The following INPP4B variants were observed in gnomAD, a reference collection of about 807,000 sequenced individuals.
INPP4B encodes inositol polyphosphate 4-phosphatase type II.
In INPP4B, 55 loss-of-function variants were observed where a neutral mutation model predicts 122.5. The ratio of observed to expected loss-of-function variants is 0.45; its 90% CI spans 0.36 to 0.56. The LOEUF is 0.56. INPP4B is among the 20% of genes least tolerant of loss of function. The probability of loss-of-function intolerance (pLI) is 0.00; values close to 1 mark genes in which losing one functional copy is unlikely to be tolerated. For synonymous variants in INPP4B, 403 were observed against 388.7 expected, an observed-to-expected ratio of 1.04 and a Z score of -0.43; for missense variants, 1,000 against 1,097.7, an observed-to-expected ratio of 0.91 and a Z score of 1.26.
chr4:142,167,285 C>T (rs1231339915), intron 16 of INPP4B, among the ~76,000 whole-genome samples: 1 of 151,706 alleles, frequency 6.6e-6, no homozygotes, highest in Non-Finnish European at 1.5e-5. Context: ...AGCAAACACA[C>T]ACAGAAACAG....
Position 142,118,239 on chromosome 4 carries a change from A to C in INPP4B, c.2135+3889T>G, listed in dbSNP as rs554890407. 4.4e-4 allele frequency among the ~76,000 whole-genome samples: 67 copies of C among 152,310 alleles called. 2 individuals are homozygous for C. In the South Asian group the frequency reaches 0.013, roughly 29 times the overall value. On this transcript the variant is annotated intron_variant, in intron 21 of 25. Transcript: ENST00000262992. Reference sequence around the variant, plus strand: ...CTGCCCAAGGTAATTTATAGATTCAATGCCAACCCCATCAAGCTACCAATG... The same window carrying C: ...CTGCCCAAGGTAATTTATAGATTCACTGCCAACCCCATCAAGCTACCAATG...
intron 7 of INPP4B, among the ~76,000 whole-genome samples, chr4:142,381,570 T>G (rs1399425971): frequency 6.6e-6 from 1 of 152,112 alleles, no homozygotes; most frequent in Admixed American, 6.6e-5. Context: ...CAGTCATAAA[T>G]TACCATATAT....
intron 1 of INPP4B, among the ~76,000 whole-genome samples, chr4:142,730,036 C>T (rs1765857144): frequency 1.3e-5 from 2 of 152,046 alleles, no homozygotes; most frequent in South Asian, 4.2e-4. Flanking sequence ...TTGAAGAGCT[C>T]TTTCTAGTTC....
chr4:142,789,417 G>T (rs1434649956), intron 1 of INPP4B, among the ~76,000 whole-genome samples: 1 of 152,048 alleles, frequency 6.6e-6, no homozygotes, highest in Admixed American at 6.6e-5. Context: ...ACACAAATCA[G>T]TGCTCTTCTA....
intron 10 of INPP4B, among the ~76,000 whole-genome samples, chr4:142,268,547 T>C (rs750930451): frequency 8.6e-5 from 13 of 151,826 alleles, no homozygotes; most frequent in African/African-American, 1.2e-4. Flanking sequence ...CAAAGAGATA[T>C]CTGCACTCAT....
chr4:142,249,635 G>A (rs1390944494), intron 11 of INPP4B, among the ~76,000 whole-genome samples: 2 of 152,174 alleles, frequency 1.3e-5, no homozygotes, highest in Non-Finnish European at 2.9e-5. Flanking sequence ...AACTGTTTAG[G>A]TTAATTTGGT....
intron 8 of INPP4B, among the ~76,000 whole-genome samples, chr4:142,313,752 C>T (rs1367010958): frequency 1.3e-5 from 2 of 152,200 alleles, no homozygotes; most frequent in African/African-American, 2.4e-5. Flanking sequence ...CTCAACTAGT[C>T]CCAAGGAAGA....
At chr4:142,734,857 C>A (rs1284697693) in intron 1 of INPP4B, among the ~76,000 whole-genome samples, 2 of 152,172 alleles carry the variant, frequency 1.3e-5, no homozygotes, top group Non-Finnish European at 2.9e-5. Context: ...GTTGGTCAGA[C>A]AGGCCTCAAA....
In INPP4B at chr4:142,059,153, C is replaced by T. The variant is rs550558923; in HGVS notation, c.2642+22878G>A. Among the ~76,000 whole-genome samples, 9 of 152,216 alleles carry T rather than the reference C, an allele frequency of 5.9e-5. No individual in the cohort carries two copies. The East Asian group carries it at 1.7e-3, about 29-fold the overall frequency. ...TTTAATATTTATTGTCAATACAACCCAGTCATAGGCATCTAGCAAAACATG... is the reference window on the plus strand; with the variant it reads ...TTTAATATTTATTGTCAATACAACCTAGTCATAGGCATCTAGCAAAACATG... On this transcript the variant is annotated intron_variant, in intron 25 of 25. Transcript: ENST00000262992.
chr4:142,841,663 CAT>C (rs1366458283), intron 1 of INPP4B, among the ~76,000 whole-genome samples: 1 of 151,782 alleles, frequency 6.6e-6, no homozygotes, highest in Non-Finnish European at 1.5e-5. Flanking sequence ...TTTTGAGAAA[CAT>C]AAAAATCTCG....
intron 2 of INPP4B, among the ~76,000 whole-genome samples, chr4:142,575,607 C>T (rs552713182): frequency 6.6e-6 from 1 of 152,104 alleles, no homozygotes; most frequent in African/African-American, 2.4e-5. Context: ...TTCACAAAGC[C>T]TTCGTCCGTA....
intron 23 of INPP4B, among the ~76,000 whole-genome samples, chr4:142,092,995 T>C (rs1410823766): frequency 6.6e-6 from 1 of 152,168 alleles, no homozygotes; most frequent in Non-Finnish European, 1.5e-5. Context: ...ACTAATGAAG[T>C]ATGACAGAAG....
At chr4:142,340,412 C>CTCTCTTT (rs112269343) in intron 7 of INPP4B, among the ~76,000 whole-genome samples, 1 of 151,528 alleles carries the variant, frequency 6.6e-6, no homozygotes, top group Non-Finnish European at 1.5e-5. Flanking sequence ...TTTTTTTTCT[C>CTCTCTTT]TTTAAAATTT....
At chr4:142,401,908 G>C (rs571301959) in intron 7 of INPP4B, among the ~76,000 whole-genome samples, 1 of 152,176 alleles carries the variant, frequency 6.6e-6, no homozygotes, top group Non-Finnish European at 1.5e-5. Flanking sequence ...CTGGGGCTAA[G>C]ATGCATAGAA....
intron 1 of INPP4B, among the ~76,000 whole-genome samples, chr4:142,819,813 C>T (rs1180328040): frequency 6.6e-6 from 1 of 152,018 alleles, no homozygotes; most frequent in African/African-American, 2.4e-5. Flanking sequence ...TCATAGGGCT[C>T]ATAGCCAATT....
intron 2 of INPP4B, among the ~76,000 whole-genome samples, chr4:142,558,793 T>TAAAAAAAAAAAAAAAAAAA (rs34151070): frequency 1.1e-4 from 8 of 75,550 alleles, no homozygotes; most frequent in African/African-American, 4.0e-4. Context: ...AGACTCCCTC[T>TAAAAAAAAAAAAAAAAAAA]AAAAAAAAAA....
chr4:142,268,305 A>AGAGCAAG (rs1743866089), intron 10 of INPP4B, among the ~76,000 whole-genome samples: 2 of 139,762 alleles, frequency 1.4e-5, no homozygotes, highest in Admixed American at 1.4e-4. Context: ...CCTGGGTGAC[A>AGAGCAAG]GAGCAAGACT....
intron 1 of INPP4B, among the ~76,000 whole-genome samples, chr4:142,840,626 C>T (rs1164257624): frequency 6.6e-6 from 1 of 151,968 alleles, no homozygotes; most frequent in South Asian, 2.1e-4. Flanking sequence ...TATTAACTCA[C>T]TATGATGTAA....
chr4:142,369,470 G>C (rs960411712), intron 7 of INPP4B, among the ~76,000 whole-genome samples: 88 of 151,666 alleles, frequency 5.8e-4, no homozygotes, highest in African/African-American at 2.0e-3. Flanking sequence ...CCCGCTACTT[G>C]GGAGGCTGAG....
Sources: allele counts gnomAD v4.1 joint callset (sites outside exome capture counted in the v4.1 genomes callset), GRCh38; gene constraint gnomAD v4.1.1; transcripts MANE v1.5; gene names NCBI Gene and HGNC (gene_info 2026-07-23, HGNC 2026-07-21).